The following SHISA9 variants were observed in gnomAD, a reference collection of about 807,000 sequenced individuals.
SHISA9 encodes shisa family member 9.
A neutral mutation model predicts 38.0 loss-of-function variants in SHISA9; 13 were observed. That is an observed-to-expected ratio of 0.34 (90% confidence interval 0.22 to 0.54). The LOEUF (loss-of-function observed/expected upper bound fraction) is 0.54, where lower values mean the gene tolerates loss of function less well. Ranked by LOEUF, SHISA9 falls within the 20% of genes least tolerant of loss-of-function variation. SHISA9 has a pLI of 0.91. For missense variants in SHISA9, 538 were observed against 575.8 expected, an observed-to-expected ratio of 0.93 and a Z score of 0.67; for synonymous variants, 275 against 242.0, an observed-to-expected ratio of 1.14 and a Z score of -1.27.
chr16:12,980,520 GT>G (rs1427701050), intron 2 of SHISA9, among the ~76,000 whole-genome samples: 8 of 150,462 alleles, frequency 5.3e-5, no homozygotes, highest in African/African-American at 1.7e-4. Context: ...GCTTTTAGAA[GT>G]TCCTGTGTTT....
chr16:13,290,442 G>A, the SHISA9 span, among the ~76,000 whole-genome samples: 3 of 151,974 alleles, frequency 2.0e-5, no homozygotes, highest in African/African-American at 7.3e-5. Flanking sequence ...AGACCTAGGA[G>A]GATGGAAGCT....
At chr16:13,142,963 G>C (rs1230335618) in intron 2 of SHISA9, among the ~76,000 whole-genome samples, 2 of 132,876 alleles carry the variant, frequency 1.5e-5, no homozygotes, top group African/African-American at 5.8e-5. Context: ...CTGTAAGGGT[G>C]GATGAAGAAC....
intron 2 of SHISA9, among the ~76,000 whole-genome samples, chr16:13,091,630 G>A (rs191630156): frequency 1.3e-5 from 2 of 152,284 alleles, no homozygotes; most frequent in African/African-American, 4.8e-5. Context: ...AAGTTCTCAT[G>A]CCATGGTTTT....
intron 2 of SHISA9, among the ~76,000 whole-genome samples, chr16:13,129,524 G>A (rs1418411688): frequency 1.3e-5 from 2 of 152,184 alleles, no homozygotes; most frequent in South Asian, 2.1e-4. Context: ...ACTGTCATAT[G>A]GCTATACCTA....
intron 2 of SHISA9, among the ~76,000 whole-genome samples, chr16:13,125,958 A>G (rs1329939281): frequency 6.6e-6 from 1 of 152,240 alleles, no homozygotes; most frequent in Non-Finnish European, 1.5e-5. Context: ...AGAGTACAGA[A>G]GCAACCTGTT....
At chr16:13,132,716 T>A (rs2050316693) in intron 2 of SHISA9, among the ~76,000 whole-genome samples, 2 of 152,100 alleles carry the variant, frequency 1.3e-5, no homozygotes, top group Admixed American at 1.3e-4. Flanking sequence ...AAGGGAAAAA[T>A]TAACAGGCAG....
At chr16:13,052,553 T>A (rs1386955671) in intron 2 of SHISA9, among the ~76,000 whole-genome samples, 5 of 152,116 alleles carry the variant, frequency 3.3e-5, no homozygotes, top group African/African-American at 1.2e-4. Flanking sequence ...AATAATTGAG[T>A]CTTGAACCCA....
chr16:13,269,050 G>T, the SHISA9 span, among the ~76,000 whole-genome samples: 2 of 152,182 alleles, frequency 1.3e-5, no homozygotes, highest in Non-Finnish European at 2.9e-5. Context: ...GCTTGCCTGT[G>T]CTGCATATGA....
chr16:13,429,060 C>T, the SHISA9 span, among the ~76,000 whole-genome samples: 14 of 152,152 alleles, frequency 9.2e-5, no homozygotes, highest in Admixed American at 5.2e-4. Context: ...AGCCACCAAA[C>T]CCAGCTAAAT....
the SHISA9 span, among the ~76,000 whole-genome samples, chr16:13,283,010 G>A: frequency 2.0e-5 from 3 of 151,946 alleles, no homozygotes; most frequent in Admixed American, 2.0e-4. Flanking sequence ...TTATATTAAT[G>A]ACTTTATTTT....
At chr16:13,462,484 G>A in the SHISA9 span, among the ~76,000 whole-genome samples, 1 of 152,090 alleles carries the variant, frequency 6.6e-6, no homozygotes, top group Admixed American at 6.6e-5. Flanking sequence ...TCGTTAATGA[G>A]CTTAATTTCA....
At chr16:13,138,054 T>A (rs2050365782) in intron 2 of SHISA9, among the ~76,000 whole-genome samples, 1 of 152,206 alleles carries the variant, frequency 6.6e-6, no homozygotes, top group Non-Finnish European at 1.5e-5. Context: ...TCGGTGGGTC[T>A]GGGGTAAAGC....
chr16:12,937,070 G>A (rs994532969), intron 2 of SHISA9, among the ~76,000 whole-genome samples: 37 of 152,076 alleles, frequency 2.4e-4, no homozygotes, highest in African/African-American at 8.9e-4. Context: ...TCCTTCCCCT[G>A]TGTTGTACAA....
chr16:12,940,363 C>T (rs369728117), intron 2 of SHISA9, among the ~76,000 whole-genome samples: 1 of 152,124 alleles, frequency 6.6e-6, no homozygotes, highest in African/African-American at 2.4e-5. Flanking sequence ...CCTGAACTTG[C>T]TACAACCCCA....
chr16:13,328,080 C>A, the SHISA9 span, among the ~76,000 whole-genome samples: 3 of 152,184 alleles, frequency 2.0e-5, no homozygotes, highest in Non-Finnish European at 4.4e-5. Context: ...GGGAGAGCAA[C>A]TGCCCCTCCC....
At chr16:13,479,504 C>T in the SHISA9 span, among the ~76,000 whole-genome samples, 1 of 152,106 alleles carries the variant, frequency 6.6e-6, no homozygotes, top group African/African-American at 2.4e-5. Flanking sequence ...GAAACACTTG[C>T]TAAAAATAAT....
the SHISA9 span, among the ~76,000 whole-genome samples, chr16:13,555,059 A>G: frequency 1.3e-5 from 2 of 152,212 alleles, no homozygotes; most frequent in African/African-American, 4.8e-5. Flanking sequence ...CAAACATCAG[A>G]TTTCTGGTAT....
At chr16:13,139,458 TTCTC>T (rs1233098053) in intron 2 of SHISA9, among the ~76,000 whole-genome samples, 1 of 134,724 alleles carries the variant, frequency 7.4e-6, no homozygotes, top group Non-Finnish European at 1.6e-5. Flanking sequence ...CTCTCCCTCT[TTCTC>T]TCTCTCTCTT....
chr16:12,954,555 G>A (rs562326102), intron 2 of SHISA9, among the ~76,000 whole-genome samples: 285 of 152,254 alleles, frequency 1.9e-3, no homozygotes, highest in Middle Eastern at 3.4e-3. Flanking sequence ...TGGCCTAGTA[G>A]AAATAGAACT....
Sources: allele counts gnomAD v4.1 joint callset (sites outside exome capture counted in the v4.1 genomes callset), GRCh38; gene constraint gnomAD v4.1.1; transcripts MANE v1.5; gene names NCBI Gene and HGNC (gene_info 2026-07-23, HGNC 2026-07-21).